Variants in FGF14 observed in about 807,000 individuals in gnomAD.
FGF14 encodes fibroblast growth factor 14, also known as fibroblast growth factor homologous factor 4.
FGF14 carries 5 observed loss-of-function variants against 25.5 expected under a neutral mutation model. The ratio of observed to expected loss-of-function variants is 0.20; its 90% confidence interval spans 0.10 to 0.41. The LOEUF is 0.41. Among genes scored for constraint, FGF14 ranks in the 10% least tolerant of loss-of-function variants. FGF14 has a pLI of 1.00. For synonymous variants in FGF14, 138 were observed against 118.3 expected, an observed-to-expected ratio of 1.17 and a Z score of -1.08; for missense variants, 222 against 320.1, an observed-to-expected ratio of 0.69 and a Z score of 2.34.
At chr13:101,723,165 C>T (rs2035112926) in intron 4 of FGF14, 198 bp from the exon 5 acceptor site, 1 of 658,508 alleles carries the variant, frequency 1.5e-6, no homozygotes, top group East Asian at 2.9e-5. Context: ...TTCACATTCT[C>T]TGGTCTGTAT....
At chr13:102,054,193 TAAG>T (rs2042332932) in intron 1 of FGF14, among the ~76,000 whole-genome samples, 1 of 152,178 alleles carries the variant, frequency 6.6e-6, no homozygotes, top group African/African-American at 2.4e-5. Context: ...AAATGTAACT[TAAG>T]AAATATTATG....
At chr13:102,015,926 A>G (rs1185546176) in intron 1 of FGF14, among the ~76,000 whole-genome samples, 1 of 152,172 alleles carries the variant, frequency 6.6e-6, no homozygotes, top group East Asian at 1.9e-4. Context: ...TGCAAAAACC[A>G]ATAGAAATAC....
At chr13:102,001,598 G>T (rs2039497860) in intron 1 of FGF14, among the ~76,000 whole-genome samples, 1 of 152,142 alleles carries the variant, frequency 6.6e-6, no homozygotes, top group Admixed American at 6.5e-5. Context: ...TCTGGAGCTG[G>T]GAATATAGAT....
chr13:101,826,421 A>G lies in FGF14; in HGVS notation c.408+42304T>C, dbSNP rs142014212. Among the ~76,000 whole-genome samples, 4 of 152,212 alleles carry G rather than the reference A, an allele frequency of 2.6e-5. No homozygotes were observed. In the East Asian group the frequency reaches 7.7e-4, roughly 29 times the overall value. Reference sequence around the variant, plus strand: ...TTTTGAGTAGACCGATCAGACACAAATAACCAATGAAATAGCTATCCCAGT... The same window carrying G: ...TTTTGAGTAGACCGATCAGACACAAGTAACCAATGAAATAGCTATCCCAGT... On this transcript the variant is annotated intron_variant, in intron 3 of 4. Coordinates refer to ENST00000376143, the MANE Select transcript of FGF14 (RefSeq NM_004115.4).
intron 1 of FGF14, chr13:102,293,693 C>A (rs879298249): frequency 1.8e-4 from 28 of 152,244 alleles, no homozygotes; most frequent in Admixed American, 5.9e-4. Context: ...AAACAATAAA[C>A]CTCATGTTTT....
intron 3 of FGF14, among the ~76,000 whole-genome samples, chr13:101,842,368 G>A (rs1414149521): frequency 1.3e-5 from 2 of 151,904 alleles, no homozygotes; most frequent in Admixed American, 6.6e-5. Flanking sequence ...TTCACTTGTC[G>A]GTGTTATTAC....
intron 1 of FGF14, among the ~76,000 whole-genome samples, chr13:102,281,228 C>A (rs1251446279): frequency 1.3e-5 from 2 of 152,102 alleles, no homozygotes; most frequent in South Asian, 2.1e-4. Flanking sequence ...AACTGAGTTA[C>A]CTGTATGCAG....
chr13:102,164,827 T>C (rs1370386189), intron 1 of FGF14, among the ~76,000 whole-genome samples: 1 of 152,174 alleles, frequency 6.6e-6, no homozygotes, highest in Admixed American at 6.6e-5. Context: ...GGAAAAGATA[T>C]AAAATAAGAA....
intron 1 of FGF14, among the ~76,000 whole-genome samples, chr13:102,072,397 C>T (rs2043189444): frequency 6.6e-6 from 1 of 151,974 alleles, no homozygotes; most frequent in Non-Finnish European, 1.5e-5. Context: ...GGATGGAGGG[C>T]AAAGTATCAC....
At chr13:101,728,784 C>T (rs1306988771) in intron 3 of FGF14, among the ~76,000 whole-genome samples, 1 of 152,108 alleles carries the variant, frequency 6.6e-6, no homozygotes, top group African/African-American at 2.4e-5. Context: ...GGGAATCTGG[C>T]TCTGCCTCCT....
chr13:101,824,026 A>G (rs960919979), intron 3 of FGF14, among the ~76,000 whole-genome samples: 5 of 152,044 alleles, frequency 3.3e-5, no homozygotes, highest in African/African-American at 1.2e-4. Context: ...ATTTTGAACA[A>G]TTTCCTAATA....
chr13:102,374,641 A>ATT (rs1420353035), intron 1 of FGF14, among the ~76,000 whole-genome samples: 6 of 98,140 alleles, frequency 6.1e-5, no homozygotes, highest in South Asian at 3.4e-4. Context: ...TATCTTACAT[A>ATT]TTTTATATAT....
chr13:101,964,288 T>G (rs968372811), intron 1 of FGF14, among the ~76,000 whole-genome samples: 1 of 147,632 alleles, frequency 6.8e-6, no homozygotes, highest in African/African-American at 2.5e-5. Flanking sequence ...AAAGTTTTCA[T>G]GTATTGTTTG....
intron 1 of FGF14, among the ~76,000 whole-genome samples, chr13:102,159,462 T>C (rs994693760): frequency 6.6e-6 from 1 of 152,172 alleles, no homozygotes; most frequent in Non-Finnish European, 1.5e-5. Context: ...GTAGCTTACA[T>C]AGTTCCCAAA....
intron 3 of FGF14, among the ~76,000 whole-genome samples, chr13:101,787,367 A>G (rs2140065203): frequency 6.6e-6 from 1 of 152,336 alleles, no homozygotes; most frequent in South Asian, 2.1e-4. Context: ...GAATGGATGA[A>G]CCGCTGTTTT....
chr13:102,386,123 A>G (rs1300684466), intron 1 of FGF14, among the ~76,000 whole-genome samples: 1 of 151,834 alleles, frequency 6.6e-6, no homozygotes, highest in African/African-American at 2.4e-5. Context: ...TCCCAACAAA[A>G]TATACAGTAA....
chr13:102,041,528 A>T (rs1275847923), intron 1 of FGF14, among the ~76,000 whole-genome samples: 2 of 96,840 alleles, frequency 2.1e-5, no homozygotes, highest in Non-Finnish European at 2.1e-5. Context: ...TGAATTCCTT[A>T]AAAAAAAAAA....
intron 1 of FGF14, among the ~76,000 whole-genome samples, chr13:102,220,564 T>C (rs1352930825): frequency 1.3e-5 from 2 of 152,228 alleles, no homozygotes; most frequent in African/African-American, 4.8e-5. Flanking sequence ...ATACTGCCAT[T>C]ATTCTCCTTA....
chr13:101,871,378 G>A (rs1232321015), intron 2 of FGF14, among the ~76,000 whole-genome samples: 1 of 152,078 alleles, frequency 6.6e-6, no homozygotes, highest in African/African-American at 2.4e-5. Context: ...TTTGGGAACG[G>A]GTTTAGGACA....
Sources: allele counts gnomAD v4.1 joint callset (sites outside exome capture counted in the v4.1 genomes callset), GRCh38; gene constraint gnomAD v4.1.1; transcripts MANE v1.5; gene names NCBI Gene and HGNC (gene_info 2026-07-23, HGNC 2026-07-21).